Variants in PCED1B observed in about 807,000 individuals in gnomAD.
The protein encoded by PCED1B is PC-esterase domain-containing protein 1B.
For synonymous variants in PCED1B, 251 were observed against 246.1 expected (o/e 1.02, Z -0.19); for missense variants, 573 against 573.9 (o/e 1.00, Z 0.02).
At chr12:47,210,377 A>T (rs1943040115) in intron 2 of PCED1B, 1 of 152,254 alleles carries the variant, frequency 6.6e-6, no homozygotes, top group African/African-American at 2.4e-5. Flanking sequence ...TAGAATATTG[A>T]CATATGATTC....
In PCED1B at chr12:47,225,634, GA is replaced by G. The variant is rs375535858; in HGVS notation, c.-58+8947del. Among the ~76,000 whole-genome samples, 82 of 152,222 alleles carry G rather than the reference GA, an allele frequency of 5.4e-4. 1 individual carries two copies. In the Middle Eastern group the frequency reaches 0.031, roughly 57 times the overall value. ...CCATCCATTCCACTAAAATTTAAGA[GA>G]ATCTTGGAAAGTTCAAACTATTGGT... On this transcript the variant is annotated intron_variant, in intron 3 of 3. Transcript: ENST00000546455.
chr12:47,215,294 C>T (rs1943219913), intron 2 of PCED1B, among the ~76,000 whole-genome samples: 1 of 150,922 alleles, frequency 6.6e-6, no homozygotes, highest in Admixed American at 6.6e-5. Flanking sequence ...GCTCTTGTCA[C>T]CCTGACTGGA....
chr12:47,129,568 T>C (rs951430908), intron 2 of PCED1B, among the ~76,000 whole-genome samples: 1 of 151,414 alleles, frequency 6.6e-6, no homozygotes, highest in Non-Finnish European at 1.5e-5. Flanking sequence ...GGCATGCCCC[T>C]CTTATCCTAG....
chr12:47,193,445 C>A (rs1942508228), intron 2 of PCED1B, among the ~76,000 whole-genome samples: 1 of 152,116 alleles, frequency 6.6e-6, no homozygotes, highest in East Asian at 1.9e-4. Context: ...TTGTTTCAGC[C>A]CATCACCTTC....
At position 47,236,460 on chromosome 12, in the gene PCED1B, T is replaced by A; in HGVS notation, c.*98T>A. On this transcript the variant is annotated 3_prime_UTR_variant, in exon 4 of 4. Transcript: ENST00000546455. Reference sequence around the variant, plus strand: ...CCTGAACAGACTGACCTTGTTAACTTAAGCCTGGAGTCCATGCCTCGTCTT... The same window carrying A: ...CCTGAACAGACTGACCTTGTTAACTAAAGCCTGGAGTCCATGCCTCGTCTT... The A allele has an allele frequency of 8.1e-7, 1 of 1,241,246 alleles. No individual in the cohort carries two copies. The highest frequency in any genetic ancestry group is 1.1e-6 in the Non-Finnish European group (1 of 915,814). The allele number at this position is 1,241,246 out of a possible 1,614,324, so 76.9% of individuals were successfully genotyped here.
At chr12:47,106,892 C>T (rs561895246) in intron 2 of PCED1B, among the ~76,000 whole-genome samples, 17 of 152,224 alleles carry the variant, frequency 1.1e-4, no homozygotes, top group South Asian at 6.2e-4. Flanking sequence ...TTCCGGGGCC[C>T]GCAGCCTTCC....
At chr12:47,095,277 C>T (rs1338342446) in intron 1 of PCED1B, among the ~76,000 whole-genome samples, 2 of 151,966 alleles carry the variant, frequency 1.3e-5, no homozygotes, top group Non-Finnish European at 2.9e-5. Flanking sequence ...ATTGTCTTCT[C>T]GCATCTATAA....
intron 2 of PCED1B, among the ~76,000 whole-genome samples, chr12:47,186,689 C>A (rs1398386904): frequency 6.6e-6 from 1 of 152,062 alleles, no homozygotes; most frequent in Non-Finnish European, 1.5e-5. Context: ...GGTTTTTTCC[C>A]CTACAGCTTT....
intron 2 of PCED1B, among the ~76,000 whole-genome samples, chr12:47,167,331 C>T (rs982039374): frequency 2.0e-5 from 3 of 152,028 alleles, no homozygotes; most frequent in Admixed American, 6.6e-5. Flanking sequence ...GTTGGGCATT[C>T]CTAGGGGTCA....
chr12:47,086,062 C>T (rs1456095382), intron 1 of PCED1B, among the ~76,000 whole-genome samples: 1 of 152,140 alleles, frequency 6.6e-6, no homozygotes, highest in Non-Finnish European at 1.5e-5. Context: ...TATAGCCATG[C>T]ATAAATGCTG....
chr12:47,166,945 G>A (rs1941563930), intron 2 of PCED1B, among the ~76,000 whole-genome samples: 1 of 152,188 alleles, frequency 6.6e-6, no homozygotes, highest in Admixed American at 6.5e-5. Context: ...CCTCAAGGAG[G>A]CAGCCAGATG....
At chr12:47,221,792 TA>T (rs1943485562) in intron 3 of PCED1B, among the ~76,000 whole-genome samples, 1 of 152,040 alleles carries the variant, frequency 6.6e-6, no homozygotes, top group African/African-American at 2.4e-5. Context: ...GATGGGAAGA[TA>T]AATGAGTGTC....
intron 2 of PCED1B, among the ~76,000 whole-genome samples, chr12:47,195,270 A>C (rs1408591315): frequency 6.6e-6 from 1 of 151,544 alleles, no homozygotes; most frequent in Admixed American, 6.6e-5. Flanking sequence ...CGGAGGTTGC[A>C]GTGAGCCGAG....
intron 3 of PCED1B, among the ~76,000 whole-genome samples, chr12:47,233,324 G>A (rs1943869134): frequency 6.6e-6 from 1 of 152,116 alleles, no homozygotes; most frequent in African/African-American, 2.4e-5. Context: ...TGTATTTTTA[G>A]TAGAGACGGG....
intron 2 of PCED1B, among the ~76,000 whole-genome samples, chr12:47,135,084 T>C (rs117898283): frequency 0.012 from 1,899 of 152,292 alleles, 18 homozygotes; most frequent in Non-Finnish European, 0.02. Context: ...CACCAATCTC[T>C]ACTGATAGGA....
chr12:47,084,167 C>T (rs1377218977), intron 1 of PCED1B, among the ~76,000 whole-genome samples: 1 of 152,122 alleles, frequency 6.6e-6, no homozygotes, highest in Non-Finnish European at 1.5e-5. Context: ...CCTAGCCTGC[C>T]TTAAATGTGC....
chr12:47,189,626 A>G (rs201665677), intron 2 of PCED1B, among the ~76,000 whole-genome samples: 3 of 152,322 alleles, frequency 2.0e-5, no homozygotes, highest in Non-Finnish European at 4.4e-5. Flanking sequence ...CCAAAACACC[A>G]TGGACTTACT....
chr12:47,225,678 G>A (rs149676905), intron 3 of PCED1B, among the ~76,000 whole-genome samples: 78 of 152,190 alleles, frequency 5.1e-4, no homozygotes, highest in African/African-American at 1.7e-3. Context: ...CCCAAAATGC[G>A]GTTATAAGGA....
At chr12:47,168,221 T>C (rs991260604) in intron 2 of PCED1B, among the ~76,000 whole-genome samples, 1 of 152,252 alleles carries the variant, frequency 6.6e-6, no homozygotes, top group East Asian at 1.9e-4. Flanking sequence ...GAGTAGGTCT[T>C]TTAAGCCTCC....
Sources: allele counts gnomAD v4.1 joint callset (sites outside exome capture counted in the v4.1 genomes callset), GRCh38; gene constraint gnomAD v4.1.1; transcripts MANE v1.5; gene names NCBI Gene and HGNC (gene_info 2026-07-23, HGNC 2026-07-21).